Variants in LUZP2 observed in about 807,000 individuals in gnomAD.
The protein encoded by LUZP2 is leucine zipper protein 2.
In LUZP2, 52 loss-of-function variants were observed where a neutral mutation model predicts 51.6. That is an observed-to-expected ratio of 1.01 (90% CI 0.81 to 1.27). LUZP2 has a LOEUF of 1.27. LUZP2 is among the 50% of genes most tolerant of loss of function. LUZP2 has a pLI of 0.00. For missense variants in LUZP2, 436 were observed against 395.4 expected, an observed-to-expected ratio of 1.10 and a Z score of -0.87; for synonymous variants, 154 against 137.3, an observed-to-expected ratio of 1.12 and a Z score of -0.85.
intron 7 of LUZP2, among the ~76,000 whole-genome samples, chr11:24,949,892 C>T (rs545247317): frequency 3.6e-4 from 55 of 151,272 alleles, no homozygotes; most frequent in Non-Finnish European, 7.0e-4. Flanking sequence ...TTTCTTCTTT[C>T]TTGCCTGAGA....
intron 10 of LUZP2, among the ~76,000 whole-genome samples, chr11:25,076,195 TGTTCTTGTTTTC>T (rs1311926862): frequency 1.4e-4 from 21 of 151,748 alleles, no homozygotes. Context: ...CTTTTGTTTT[TGTTCTTGTTTTC>T]GTTTTTGTTT....
At chr11:24,800,772 A>G (rs1849674736) in intron 5 of LUZP2, among the ~76,000 whole-genome samples, 1 of 152,122 alleles carries the variant, frequency 6.6e-6, no homozygotes, top group Admixed American at 6.6e-5. Flanking sequence ...AAGTTAAGAA[A>G]ACATAAGAAA....
chr11:24,554,544 A>G (rs1192179585), intron 1 of LUZP2, among the ~76,000 whole-genome samples: 2 of 152,014 alleles, frequency 1.3e-5, no homozygotes, highest in Non-Finnish European at 1.5e-5. Flanking sequence ...AATAATGCGT[A>G]ATCTCTAGAT....
chr11:24,809,592 G>A (rs1849956905), intron 5 of LUZP2, among the ~76,000 whole-genome samples: 1 of 152,168 alleles, frequency 6.6e-6, no homozygotes, highest in South Asian at 2.1e-4. Context: ...GGTATTTAGG[G>A]AAGGAGTGAA....
chr11:24,524,168 A>G (rs1376514799), intron 1 of LUZP2, among the ~76,000 whole-genome samples: 4 of 151,842 alleles, frequency 2.6e-5, no homozygotes, highest in African/African-American at 9.7e-5. Context: ...AAGATGTTAA[A>G]TGTTATATTT....
chr11:24,626,074 A>G (rs1169288967), intron 1 of LUZP2, among the ~76,000 whole-genome samples: 4 of 152,172 alleles, frequency 2.6e-5, no homozygotes, highest in Non-Finnish European at 4.4e-5. Flanking sequence ...GTTTTCTAGT[A>G]TAAAGTGTCA....
intron 9 of LUZP2, among the ~76,000 whole-genome samples, chr11:24,995,043 A>G (rs1483396697): frequency 2.0e-5 from 3 of 152,224 alleles, no homozygotes; most frequent in Non-Finnish European, 4.4e-5. Context: ...ATACATTTCA[A>G]TTGTATAACT....
chr11:24,905,004 T>A (rs572338094), intron 5 of LUZP2, among the ~76,000 whole-genome samples: 1 of 152,190 alleles, frequency 6.6e-6, no homozygotes, highest in East Asian at 1.9e-4. Flanking sequence ...TAAAAAATGA[T>A]TTAAAAAATG....
intron 5 of LUZP2, among the ~76,000 whole-genome samples, chr11:24,790,605 G>A (rs988132811): frequency 2.2e-4 from 34 of 152,052 alleles, no homozygotes; most frequent in African/African-American, 5.3e-4. Flanking sequence ...GGGTTCAAGC[G>A]ATTCTCCTGC....
In LUZP2 at chr11:25,015,897, C is replaced by CTTTTT. The variant is rs553027081; in HGVS notation, c.765+32613_765+32617dup. 5.7e-3 allele frequency among the ~76,000 whole-genome samples: 768 copies of CTTTTT among 134,050 alleles called. 24 individuals are homozygous for CTTTTT. The East Asian group carries it at 0.084, about 15-fold the overall frequency. 87.9% of individuals were successfully genotyped at this position (134,050 alleles called of 152,430 possible). A position where few individuals can be genotyped will look rare whatever the true frequency, so the allele number is the denominator to read the frequency against. Reference sequence around the variant, plus strand: ...TTGTATAGTAGTGAAGTGTGAATTTCTTTTTTTTTTTTTGTATTTTTTACT... The same window carrying CTTTTT: ...TTGTATAGTAGTGAAGTGTGAATTTCTTTTTTTTTTTTTTTTTTGTATTTTTTACT... On this transcript the variant is annotated intron_variant, in intron 9 of 11. Transcript: ENST00000336930.
intron 7 of LUZP2, among the ~76,000 whole-genome samples, chr11:24,949,871 A>G (rs1451712129): frequency 6.6e-6 from 1 of 151,586 alleles, no homozygotes; most frequent in Non-Finnish European, 1.5e-5. Context: ...CTGACAAAGG[A>G]GAAATCAGCT....
chr11:24,699,128 C>CAG (rs779129609), intron 1 of LUZP2, among the ~76,000 whole-genome samples: 2 of 146,306 alleles, frequency 1.4e-5, no homozygotes, highest in African/African-American at 5.1e-5. Context: ...CACACACACA[C>CAG]GAAACAATAA....
intron 1 of LUZP2, among the ~76,000 whole-genome samples, chr11:24,623,370 AG>A (rs1854567652): frequency 6.6e-6 from 1 of 152,210 alleles, no homozygotes; most frequent in African/African-American, 2.4e-5. Context: ...TCATAGTAAA[AG>A]TATGTTATCT....
At chr11:24,630,479 G>C (rs567001506) in intron 1 of LUZP2, among the ~76,000 whole-genome samples, 2 of 152,128 alleles carry the variant, frequency 1.3e-5, no homozygotes, top group African/African-American at 4.8e-5. Context: ...TGTGGACCTT[G>C]TCAAAGATTA....
At chr11:24,719,314 A>G (rs1014258949) in intron 1 of LUZP2, among the ~76,000 whole-genome samples, 1 of 152,214 alleles carries the variant, frequency 6.6e-6, no homozygotes, top group Admixed American at 6.5e-5. Context: ...AAGAGATGGG[A>G]TTTGATTGAG....
intron 1 of LUZP2, among the ~76,000 whole-genome samples, chr11:24,643,638 G>T (rs185604461): frequency 3.3e-5 from 5 of 152,120 alleles, no homozygotes; most frequent in African/African-American, 9.7e-5. Context: ...TCAATAATAA[G>T]TTGTGTTAAA....
intron 5 of LUZP2, among the ~76,000 whole-genome samples, chr11:24,857,709 A>AACTT (rs3992978): frequency 1 from 151,732 of 152,030 alleles, 75,718 homozygotes; most frequent in Middle Eastern, 1. Context: ...TCAGAGGGTG[A>AACTT]ACTTTAATTC....
In LUZP2 at chr11:24,748,737, A is replaced by G. The variant is rs576877808; in HGVS notation, c.333+10435A>G. Among the ~76,000 whole-genome samples the G allele has an allele frequency of 4.6e-5, 7 of 152,240 alleles. No individual in the cohort carries two copies. The South Asian group carries it at 6.2e-4, about 14-fold the overall frequency. On this transcript the variant is annotated intron_variant, in intron 4 of 11. Coordinates refer to ENST00000336930, the MANE Select transcript of LUZP2 (RefSeq NM_001009909.4). Reference sequence around the variant, plus strand: ...CTCCCAATGTGCTGGGATTATAGGTATGAGCCACTGCACCCAGCTGACTTC... The same window carrying G: ...CTCCCAATGTGCTGGGATTATAGGTGTGAGCCACTGCACCCAGCTGACTTC...
intron 1 of LUZP2, among the ~76,000 whole-genome samples, chr11:24,660,816 G>A (rs776102162): frequency 3.6e-4 from 55 of 151,720 alleles, no homozygotes; most frequent in Admixed American, 1.1e-3. Flanking sequence ...TTTTTACTTA[G>A]ACCACTTTCA....
Sources: allele counts gnomAD v4.1 joint callset (sites outside exome capture counted in the v4.1 genomes callset), GRCh38; gene constraint gnomAD v4.1.1; transcripts MANE v1.5; gene names NCBI Gene and HGNC (gene_info 2026-07-23, HGNC 2026-07-21).